PTPRD: variants seen among roughly 807,000 people sequenced by gnomAD.
PTPRD encodes the protein protein tyrosine phosphatase receptor type D.
PTPRD carries 34 observed loss-of-function variants against 214.5 expected under a neutral mutation model. The observed-to-expected ratio is 0.16, with a 90% CI of 0.12 to 0.21. The LOEUF (loss-of-function observed/expected upper bound fraction) is 0.21. Ranked by LOEUF, PTPRD falls within the 10% of genes least tolerant of loss-of-function variation. PTPRD has a pLI of 1.00. For missense variants in PTPRD, 2,545 were observed against 2,398.7 expected (o/e 1.06, Z -1.27); for synonymous variants, 1,128 against 845.7 (o/e 1.33, Z -5.79).
intron 3 of PTPRD, among the ~76,000 whole-genome samples, chr9:10,154,142 T>C (rs1475948927): frequency 6.6e-6 from 1 of 152,134 alleles, no homozygotes; most frequent in Non-Finnish European, 1.5e-5. Flanking sequence ...CTGTAATTTT[T>C]TGACTTTTTA....
intron 10 of PTPRD, among the ~76,000 whole-genome samples, chr9:9,087,509 A>T (rs1263910910): frequency 6.6e-6 from 1 of 152,130 alleles, no homozygotes; most frequent in Non-Finnish European, 1.5e-5. Flanking sequence ...TTCAAGGAGG[A>T]AAAAGAACTA....
chr9:10,560,194 G>A (rs1432754361), intron 2 of PTPRD, among the ~76,000 whole-genome samples: 1 of 152,188 alleles, frequency 6.6e-6, no homozygotes, highest in Non-Finnish European at 1.5e-5. Flanking sequence ...TTAAGAAAAT[G>A]TGGCACATAT....
At chr9:8,495,951 C>T (rs1294025680) in intron 26 of PTPRD, among the ~76,000 whole-genome samples, 1 of 152,072 alleles carries the variant, frequency 6.6e-6, no homozygotes, top group Non-Finnish European at 1.5e-5. Flanking sequence ...TAAAGACTGA[C>T]CGGCCAGCTT....
chr9:9,252,108 G>T (rs2099975713), intron 9 of PTPRD, among the ~76,000 whole-genome samples: 1 of 151,940 alleles, frequency 6.6e-6, no homozygotes, highest in South Asian at 2.1e-4. Flanking sequence ...ACTCCCTGGG[G>T]TACTCTGTTG....
chr9:8,575,586 G>C (rs1171032619), intron 14 of PTPRD, among the ~76,000 whole-genome samples: 3 of 152,100 alleles, frequency 2.0e-5, no homozygotes, highest in African/African-American at 7.2e-5. Context: ...CTGCAAAAAC[G>C]TGGCTGCAGA....
At chr9:8,882,378 T>G (rs1462359931) in intron 11 of PTPRD, among the ~76,000 whole-genome samples, 1 of 152,194 alleles carries the variant, frequency 6.6e-6, no homozygotes, top group Non-Finnish European at 1.5e-5. Context: ...AGTAATTTGT[T>G]GTAGACCACA....
intron 2 of PTPRD, among the ~76,000 whole-genome samples, chr9:10,458,463 C>T (rs181430623): frequency 6.6e-6 from 1 of 152,084 alleles, no homozygotes; most frequent in African/African-American, 2.4e-5. Context: ...ACAACTGAAG[C>T]AGGTAAAAAC....
intron 10 of PTPRD, among the ~76,000 whole-genome samples, chr9:9,127,881 T>C (rs997089105): frequency 3.9e-5 from 6 of 152,200 alleles, no homozygotes; most frequent in African/African-American, 1.4e-4. Flanking sequence ...TTGAATTTCG[T>C]ATATCTTCTA....
intron 3 of PTPRD, among the ~76,000 whole-genome samples, chr9:10,064,996 A>G (rs2097848879): frequency 6.6e-6 from 1 of 151,928 alleles, no homozygotes; most frequent in Non-Finnish European, 1.5e-5. Flanking sequence ...GAATTTTAAC[A>G]TTTAATTAAG....
At chr9:8,450,799 A>G (rs1434437406) in intron 33 of PTPRD, among the ~76,000 whole-genome samples, 4 of 152,216 alleles carry the variant, frequency 2.6e-5, no homozygotes, top group Non-Finnish European at 5.9e-5. Context: ...AGTTTGAATT[A>G]GATTAAAAAC....
At chr9:9,276,079 G>A (rs1472606833) in intron 9 of PTPRD, among the ~76,000 whole-genome samples, 2 of 151,328 alleles carry the variant, frequency 1.3e-5, no homozygotes, top group East Asian at 3.9e-4. Context: ...AAATGTCCTT[G>A]TCTAATGTTG....
At chr9:9,181,687 G>C (rs2099928327) in intron 10 of PTPRD, among the ~76,000 whole-genome samples, 1 of 151,946 alleles carries the variant, frequency 6.6e-6, no homozygotes, top group South Asian at 2.1e-4. Context: ...ATAAGTAGAA[G>C]ACAATCCAGG....
At chr9:10,465,516 C>T (rs1407121627) in intron 2 of PTPRD, among the ~76,000 whole-genome samples, 1 of 152,084 alleles carries the variant, frequency 6.6e-6, no homozygotes, top group African/African-American at 2.4e-5. Flanking sequence ...TGACAGACTG[C>T]TTATACAACG....
At chr9:10,069,367 C>G (rs987612029) in intron 3 of PTPRD, among the ~76,000 whole-genome samples, 4 of 152,000 alleles carry the variant, frequency 2.6e-5, no homozygotes, top group African/African-American at 7.2e-5. Context: ...CTGCAGGAAT[C>G]AGGCTGTGAA....
intron 3 of PTPRD, among the ~76,000 whole-genome samples, chr9:10,182,275 A>AAG (rs1554810144): frequency 1.0e-4 from 15 of 150,382 alleles, no homozygotes; most frequent in Non-Finnish European, 1.2e-4. Flanking sequence ...AAAAAAAAAA[A>AAG]AAAAGAAAAG....
intron 11 of PTPRD, among the ~76,000 whole-genome samples, chr9:8,921,481 C>CAA (rs1229582341): frequency 6.6e-6 from 1 of 151,368 alleles, no homozygotes; most frequent in Non-Finnish European, 1.5e-5. Flanking sequence ...TGTATTTTTT[C>CAA]AAAAGTTTTC....
intron 2 of PTPRD, among the ~76,000 whole-genome samples, chr9:10,549,082 A>C (rs545844447): frequency 1.3e-5 from 2 of 152,196 alleles, no homozygotes; most frequent in African/African-American, 4.8e-5. Context: ...TATATTAATT[A>C]CATCAACTTA....
rs78038779 is a variant in PTPRD, at chr9:9,602,021, G to C, written c.-286-27240C>G. ...GGCAGATTTGTGTGTATGCATATGTGAATATTTTTGTAGGCAGATGATCTA... is the reference window on the plus strand; with the variant it reads ...GGCAGATTTGTGTGTATGCATATGTCAATATTTTTGTAGGCAGATGATCTA... On this transcript the variant is annotated intron_variant, in intron 7 of 45. Coordinates refer to ENST00000381196, the MANE Select transcript of PTPRD (RefSeq NM_002839.4). Among the ~76,000 whole-genome samples the C allele has an allele frequency of 7.7e-3, 1,176 of 152,134 alleles. 15 individuals are homozygous for C. Among genetic ancestry groups the C allele is most frequent in the Non-Finnish European group, 7.2e-3 (488 of 67,930 alleles).
At position 9,542,049 on chromosome 9, in the gene PTPRD, G is replaced by GA. The variant is rs531043404; in HGVS notation, c.-237+32682dup. Reference sequence around the variant, plus strand: ...ACAACACAGTAGAGAAAACTAAAGTGAAAAATTGGTTCTTTGAAAAGATCA... The same window carrying GA: ...ACAACACAGTAGAGAAAACTAAAGTGAAAAAATTGGTTCTTTGAAAAGATCA... On this transcript the variant is annotated intron_variant, in intron 8 of 45. Transcript: ENST00000381196. Among the ~76,000 whole-genome samples, 51 of 151,670 alleles carry GA rather than the reference G, an allele frequency of 3.4e-4. 1 individual carries two copies. In the South Asian group the frequency reaches 0.01, roughly 30 times the overall value.
Sources: allele counts gnomAD v4.1 joint callset (sites outside exome capture counted in the v4.1 genomes callset), GRCh38; gene constraint gnomAD v4.1.1; transcripts MANE v1.5; gene names NCBI Gene and HGNC (gene_info 2026-07-23, HGNC 2026-07-21).